LOXL2: variants seen among roughly 807,000 people sequenced by gnomAD.
LOXL2 encodes lysyl oxidase homolog 2.
Under a neutral mutation model 93.0 loss-of-function variants are expected in LOXL2, and 70 were observed. The ratio of observed to expected loss-of-function variants is 0.75; its 90% CI spans 0.62 to 0.92. LOXL2 has a LOEUF of 0.92. Among genes scored for constraint, LOXL2 ranks in the 40% least tolerant of loss-of-function variants. The probability of loss-of-function intolerance (pLI) is 0.00; values close to 1 mark genes in which losing one functional copy is unlikely to be tolerated. For synonymous variants in LOXL2, 438 were observed against 413.2 expected (o/e 1.06, Z -0.73); for missense variants, 973 against 1,054.9 (o/e 0.92, Z 1.08).
At chr8:23,350,869 C>T (rs1012022607) in intron 3 of LOXL2, among the ~76,000 whole-genome samples, 5 of 152,280 alleles carry the variant, frequency 3.3e-5, no homozygotes, top group East Asian at 3.9e-4. Flanking sequence ...TTTTGGAGAA[C>T]GGGCAAGCCC....
At chr8:23,340,218 C>T (rs893448436) in intron 4 of LOXL2, among the ~76,000 whole-genome samples, 6 of 152,094 alleles carry the variant, frequency 3.9e-5, no homozygotes, top group Admixed American at 1.3e-4. Context: ...AGTGGTGGTG[C>T]GAGGATTAAA....
chr8:23,300,287 C>CGACA (rs1396905353), intron 12 of LOXL2, among the ~76,000 whole-genome samples: 1 of 152,228 alleles, frequency 6.6e-6, no homozygotes, highest in African/African-American at 2.4e-5. Context: ...TACTGCAGAC[C>CGACA]GACATCTCAC....
chr8:23,341,460 A>G (rs1269634610), intron 3 of LOXL2: 1 of 536,484 alleles, frequency 1.9e-6, no homozygotes, highest in Non-Finnish European at 3.4e-6. Context: ...GTCAGAAAAG[A>G]CTCAGAGACC....
chr8:23,335,628 G>C (rs998697349), intron 4 of LOXL2, among the ~76,000 whole-genome samples: 4 of 152,084 alleles, frequency 2.6e-5, no homozygotes, highest in Non-Finnish European at 5.9e-5. Context: ...TGCTCATGTC[G>C]ACCCAGCTTT....
intron 1 of LOXL2, among the ~76,000 whole-genome samples, chr8:23,381,143 T>C (rs1171066558): frequency 2.0e-5 from 3 of 152,120 alleles, no homozygotes; most frequent in Non-Finnish European, 4.4e-5. Context: ...AATCATTTTC[T>C]ACGTATTGCT....
chr8:23,402,192 C>T (rs1036462657), intron 1 of LOXL2, among the ~76,000 whole-genome samples: 3 of 152,124 alleles, frequency 2.0e-5, no homozygotes, highest in African/African-American at 4.8e-5. Context: ...CACGTGCCCG[C>T]GCACACACAC....
At chr8:23,353,735 T>C (rs1261596865) in intron 3 of LOXL2, among the ~76,000 whole-genome samples, 1 of 152,200 alleles carries the variant, frequency 6.6e-6, no homozygotes. Context: ...AGAGAAATCA[T>C]CTGATTTTTT....
At chr8:23,382,516 C>CAA (rs536496140) in intron 1 of LOXL2, 45 of 58,152 alleles carry the variant, frequency 7.7e-4, no homozygotes, top group East Asian at 2.7e-3. Flanking sequence ...GACTCCATCT[C>CAA]AAAAAAAAAA....
intron 3 of LOXL2, among the ~76,000 whole-genome samples, chr8:23,359,790 T>C (rs925880494): frequency 6.6e-6 from 1 of 152,184 alleles, no homozygotes; most frequent in Non-Finnish European, 1.5e-5. Flanking sequence ...CTTTCCAGCT[T>C]CAGTTAACCC....
intron 1 of LOXL2, among the ~76,000 whole-genome samples, chr8:23,379,013 GT>G (rs200663466): frequency 0.19 from 29,493 of 152,014 alleles, 3,182 homozygotes; most frequent in East Asian, 0.32. Context: ...AGGTGCTCTG[GT>G]TTTTAGAATT....
intron 9 of LOXL2, among the ~76,000 whole-genome samples, chr8:23,312,859 T>C (rs1355646071): frequency 2.5e-5 from 2 of 81,068 alleles, no homozygotes; most frequent in Admixed American, 1.5e-4. Flanking sequence ...GAAGTCAAAT[T>C]GTCCCTGTTT....
chr8:23,375,488 C>T (rs1236196306), intron 1 of LOXL2, among the ~76,000 whole-genome samples: 1 of 152,084 alleles, frequency 6.6e-6, no homozygotes, highest in Non-Finnish European at 1.5e-5. Context: ...TGAAGAAAGT[C>T]ATTGGTAGCT....
chr8:23,299,008 C>T (rs778773549), intron 12 of LOXL2, 61 bp from the exon 13 acceptor site: 16 of 1,000,498 alleles, frequency 1.6e-5, no homozygotes, highest in Non-Finnish European at 2.4e-5. Flanking sequence ...CCACCCAGGC[C>T]TGGGGCTCTG....
rs547152794 is a variant in LOXL2, at chr8:23,385,769, T to G, written c.-83-17335A>C. 6.8e-6 allele frequency: 4 copies of G among 586,190 alleles called. No individual in the cohort carries two copies. The African/African-American group carries it at 7.4e-5, about 11-fold the overall frequency. 36.3% of individuals were successfully genotyped at this position (586,190 alleles called of 1,614,324 possible). On this transcript the variant is annotated intron_variant, in intron 1 of 13. Coordinates refer to ENST00000389131, the MANE Select transcript of LOXL2 (RefSeq NM_002318.3). Reference sequence around the variant, plus strand: ...TCGTAGCCACTTTCCAAAAGTAGAATAAAATAGATGAAATCAATGTTAAAG... The same window carrying G: ...TCGTAGCCACTTTCCAAAAGTAGAAGAAAATAGATGAAATCAATGTTAAAG...
chr8:23,319,845 A>G (rs1803465304), intron 8 of LOXL2, 40 bp downstream of exon 8: 9 of 1,600,212 alleles, frequency 5.6e-6, no homozygotes, highest in Non-Finnish European at 7.7e-6. Context: ...GTCAGACTGC[A>G]TGGGGGGTGA....
intron 8 of LOXL2, among the ~76,000 whole-genome samples, chr8:23,318,517 A>C (rs920851632): frequency 4.3e-4 from 66 of 152,062 alleles, no homozygotes; most frequent in African/African-American, 1.4e-3. Flanking sequence ...CTTGACCAAT[A>C]CCCACCTCCA....
chr8:23,316,883 A>G, intron 9 of LOXL2, 66 bp downstream of exon 9: 3 of 1,417,054 alleles, frequency 2.1e-6, no homozygotes, highest in Non-Finnish European at 1.9e-6. Context: ...GAGTCTCTTG[A>G]GGAATAACTG....
Position 23,404,015 on chromosome 8 carries a change from G to A in LOXL2, c.-145C>T. ...GCGCTCTCCACGGTGGTCCCCCTCC[G>A]CTTCCGCCGCCGCTGAGCCCCTTTC... On this transcript the variant is annotated 5_prime_UTR_variant, in exon 1 of 14. Transcript: ENST00000389131. 5.6e-6 allele frequency: 1 copy of A among 178,704 alleles called. No homozygotes were observed. The highest frequency in any genetic ancestry group is 8.7e-5 in the South Asian group (1 of 11,544). 11.1% of individuals were successfully genotyped at this position (178,704 alleles called of 1,614,324 possible).
intron 1 of LOXL2, among the ~76,000 whole-genome samples, chr8:23,396,246 A>G (rs1036245202): frequency 1.3e-5 from 2 of 152,066 alleles, no homozygotes; most frequent in African/African-American, 4.8e-5. Flanking sequence ...TGAACCCAGG[A>G]GGTGGAGGTT....
Sources: gnomAD v4.1 joint callset for allele counts (sites outside exome capture counted in the v4.1 genomes callset) on GRCh38, gnomAD v4.1.1 for gene constraint, MANE v1.5 for transcripts, NCBI Gene and HGNC (gene_info 2026-07-23, HGNC 2026-07-21) for gene names.